Variants in NSUN2 observed in about 807,000 individuals in gnomAD.
The protein encoded by NSUN2 is RNA cytosine C(5)-methyltransferase NSUN2.
Under a neutral mutation model 92.7 loss-of-function variants are expected in NSUN2, and 63 were observed. The observed-to-expected ratio is 0.68, with a 90% confidence interval of 0.56 to 0.84. The LOEUF is 0.84. NSUN2 is among the 40% of genes least tolerant of loss of function. The probability of loss-of-function intolerance (pLI) is 0.00; values close to 1 mark genes in which losing one functional copy is unlikely to be tolerated. For missense variants in NSUN2, 989 were observed against 964.9 expected, an observed-to-expected ratio of 1.02 and a Z score of -0.33; for synonymous variants, 356 against 348.3, an observed-to-expected ratio of 1.02 and a Z score of -0.25.
At chr5:6,611,977 G>A (rs542951367) in intron 9 of NSUN2, among the ~76,000 whole-genome samples, 179 bp from the exon 10 acceptor site, 2 of 152,180 alleles carry the variant, frequency 1.3e-5, no homozygotes, top group South Asian at 2.1e-4. Flanking sequence ...ATGAGTGGCC[G>A]ATGGGGCTCA....
chr5:6,632,868 G>T lies in NSUN2; in HGVS notation c.96+16C>A. 6.5e-7 allele frequency: 1 copy of T among 1,536,400 alleles called. No individual in the cohort carries two copies. Among genetic ancestry groups the T allele is most frequent in the Non-Finnish European group, 8.7e-7 (1 of 1,145,336 alleles). On this transcript the variant is annotated intron_variant, in intron 1 of 18. Transcript: ENST00000264670. ...AGGAGGAGCCCCTGGCCCGCCCGCCGGGTCCCGGCTCCTACCGCCTCGCCG... is the reference window on the plus strand; with the variant it reads ...AGGAGGAGCCCCTGGCCCGCCCGCCTGGTCCCGGCTCCTACCGCCTCGCCG...
rs779478752 is a variant in NSUN2, at chr5:6,604,254, A to T, written c.1841T>A (p.Phe614Tyr). ...TACAGTAATAATTCTTGAGTTAATA[A>T]ATGGATACAATGTATATATTCCCTG... is the stretch of plus-strand genomic sequence containing the variant. ...AQEGIYTLYPFINSRIITVSM... is the reference protein window; with the variant it reads ...AQEGIYTLYPYINSRIITVSM... The change falls in exon 17 of 19, where the codon TTT becomes TAT. Residue 614 changes from phenylalanine (F) to tyrosine (Y), a missense_variant. By Grantham distance (22) the Phe-to-Tyr change is conservative. This residue lies in a region of NSUN2 where 626 missense variants were observed against 602.3 expected (regional missense o/e 1.04). Transcript: ENST00000264670. 1 of 1,598,034 alleles carries T rather than the reference A, an allele frequency of 6.3e-7. No individual in the cohort carries two copies.
intron 17 of NSUN2, 82 bp from the exon 18 acceptor site, chr5:6,602,582 G>T: frequency 3.4e-6 from 4 of 1,190,934 alleles, no homozygotes; most frequent in Non-Finnish European, 3.8e-6. Context: ...ACCTAGTGAT[G>T]TGTTAAGTAT....
chr5:6,611,911 A>C, intron 9 of NSUN2, 113 bp from the exon 10 acceptor site: 5 of 963,014 alleles, frequency 5.2e-6, no homozygotes, highest in Non-Finnish European at 7.8e-6. Context: ...TGTACAGAAA[A>C]TGTCCAGGGA....
Position 6,625,965 on chromosome 5 carries a change from C to T in NSUN2, c.360-296G>A, listed in dbSNP as rs904559396. ...AAACGCTCGAGATCAGATGAAAAAG[C>T]GGACACTCCTCTGCTCTTCACCATT... is the stretch of plus-strand genomic sequence containing the variant. On this transcript the variant is annotated intron_variant, in intron 3 of 18. Coordinates refer to ENST00000264670, the MANE Select transcript of NSUN2 (RefSeq NM_017755.6). Among the ~76,000 whole-genome samples the T allele has an allele frequency of 6.4e-4, 98 of 152,022 alleles. 1 individual carries two copies. Among genetic ancestry groups the T allele is most frequent in the Admixed American group, 9.8e-4 (15 of 15,246 alleles).
At position 6,616,848 on chromosome 5, in the gene NSUN2, C is replaced by T. The variant is rs1737232943; in HGVS notation, c.900G>A (p.Leu300=). ...GTTCAGCCCCGCGTGTTGCAATCCG[C>T]AGCTGTAAGCTAAGGGGAGATATCA... ...LNSLQLHGLQ[L]RIATRGAEQL... The change falls in exon 9 of 19, where the codon CTG becomes CTA. Residue 300 remains leucine (L), a synonymous_variant. Transcript: ENST00000264670. 6.2e-7 allele frequency: 1 copy of T among 1,613,070 alleles called. No individual in the cohort carries two copies.
chr5:6,617,692 A>T (rs1318042371), intron 8 of NSUN2, among the ~76,000 whole-genome samples: 1 of 152,252 alleles, frequency 6.6e-6, no homozygotes, highest in East Asian at 1.9e-4. Flanking sequence ...TTCATGGAAA[A>T]ATACATATCT....
intron 3 of NSUN2, among the ~76,000 whole-genome samples, chr5:6,629,760 G>A (rs1470415853): frequency 2.6e-5 from 4 of 152,058 alleles, no homozygotes; most frequent in African/African-American, 4.8e-5. Flanking sequence ...TTAAATCCCC[G>A]GGCCGTTTCC....
In NSUN2 at chr5:6,611,448, T is replaced by TAAAAAAAAAAAAAAAAAAAAA. The variant is rs760872450; in HGVS notation, c.1095+276_1095+277insTTTTTTTTTTTTTTTTTTTTT. On this transcript the variant is annotated intron_variant, in intron 10 of 18. Coordinates refer to ENST00000264670, the MANE Select transcript of NSUN2 (RefSeq NM_017755.6). ...ACAAGGCTTGAATCCCGGCCCAATT[T>TAAAAAAAAAAAAAAAAAAAAA]AAAAAAAAAAAAAAAAAGCAAAGCT... Among the ~76,000 whole-genome samples the TAAAAAAAAAAAAAAAAAAAAA allele has an allele frequency of 2.1e-3, 177 of 85,980 alleles. 11 individuals carry two copies. The highest frequency in any genetic ancestry group is 2.6e-3 in the African/African-American group (58 of 22,428). The allele number at this position is 85,980 out of a possible 152,430, so 56.4% of individuals were successfully genotyped here. A position where few individuals can be genotyped will look rare whatever the true frequency, so the allele number is the denominator to read the frequency against.
Position 6,601,124 on chromosome 5 carries a change from T to C in NSUN2, c.1998-892A>G, listed in dbSNP as rs372446060. On this transcript the variant is annotated intron_variant, in intron 18 of 18. Transcript: ENST00000264670. ...GGGGCACAAAGGTGGTTTTAAGAAG[T>C]GAGAGGAAAATATAAGAAATTCCCA... is the stretch of plus-strand genomic sequence containing the variant. Among the ~76,000 whole-genome samples, 673 of 150,528 alleles carry C rather than the reference T, an allele frequency of 4.5e-3. 3 individuals carry two copies. Among genetic ancestry groups the C allele is most frequent in the Middle Eastern group, 0.031 (9 of 294 alleles).
intron 9 of NSUN2, among the ~76,000 whole-genome samples, chr5:6,614,691 T>G (rs910500453): frequency 2.0e-5 from 3 of 152,028 alleles, no homozygotes; most frequent in Non-Finnish European, 4.4e-5. Flanking sequence ...CATCCAGAGC[T>G]CCAGGCAAGT....
intron 2 of NSUN2, 124 bp from the exon 3 acceptor site, chr5:6,632,101 T>C: frequency 2.8e-6 from 2 of 720,480 alleles, no homozygotes; most frequent in South Asian, 3.6e-5. Flanking sequence ...GAGTAAACAT[T>C]CTTTAGTCAC....
chr5:6,615,662 G>A (rs758079555), intron 9 of NSUN2, among the ~76,000 whole-genome samples: 2 of 152,214 alleles, frequency 1.3e-5, no homozygotes, highest in Non-Finnish European at 2.9e-5. Flanking sequence ...CCAGCCAGCC[G>A]CCAAGGGGAG....
At chr5:6,623,318 G>GT (rs558972235) in intron 4 of NSUN2, 33 bp from the exon 5 acceptor site, 27 of 1,385,796 alleles carry the variant, frequency 1.9e-5, no homozygotes, top group East Asian at 5.1e-5. Context: ...GCAACAATTA[G>GT]GAAAAAAAAA....
chr5:6,628,216 T>C (rs1560985800), intron 3 of NSUN2, among the ~76,000 whole-genome samples: 1 of 152,034 alleles, frequency 6.6e-6, no homozygotes, highest in Non-Finnish European at 1.5e-5. Context: ...GGTATGGTGA[T>C]GGGGGCATGT....
chr5:6,623,337 AG>A, intron 4 of NSUN2, 52 bp from the exon 5 acceptor site: 2 of 1,374,872 alleles, frequency 1.5e-6, no homozygotes, highest in Non-Finnish European at 2.0e-6. Flanking sequence ...AAAAAACCGC[AG>A]ACAATTTCAA....
chr5:6,609,204 G>C (rs542735192), intron 12 of NSUN2, among the ~76,000 whole-genome samples: 1 of 152,186 alleles, frequency 6.6e-6, no homozygotes, highest in Non-Finnish European at 1.5e-5. Flanking sequence ...ATCATGGAAG[G>C]CTGATTTATG....
chr5:6,621,014 C>T (rs1737414527), intron 6 of NSUN2: 1 of 152,108 alleles, frequency 6.6e-6, no homozygotes, highest in South Asian at 2.1e-4. Flanking sequence ...TATCTTTAAA[C>T]AATGTAAAAA....
chr5:6,603,005 C>T (rs1054416908), intron 17 of NSUN2, among the ~76,000 whole-genome samples: 2 of 152,210 alleles, frequency 1.3e-5, no homozygotes, highest in African/African-American at 4.8e-5. Context: ...GGGAGACAGA[C>T]TCCACAGAGC....
Sources: gnomAD v4.1 joint callset for allele counts (sites outside exome capture counted in the v4.1 genomes callset) on GRCh38, gnomAD v4.1.1 for gene constraint, gnomAD v4.1.1 regional missense constraint, MANE v1.5 for transcripts, NCBI Gene and HGNC (gene_info 2026-07-23, HGNC 2026-07-21) for gene names.